Variants in RTN1 observed in about 807,000 individuals in gnomAD.
RTN1 encodes reticulon 1, also known as reticulon-1.
Under a neutral mutation model 65.5 loss-of-function variants are expected in RTN1, and 25 were observed. That is an observed-to-expected ratio of 0.38 (90% CI 0.28 to 0.53). The LOEUF is 0.53. RTN1 is among the 20% of genes least tolerant of loss of function. The pLI is 0.79. For missense variants in RTN1, 983 were observed against 1,025.4 expected, an observed-to-expected ratio of 0.96 and a Z score of 0.57; for synonymous variants, 471 against 447.6, an observed-to-expected ratio of 1.05 and a Z score of -0.66.
intron 3 of RTN1, among the ~76,000 whole-genome samples, chr14:59,610,389 CTT>C (rs1881911300): frequency 6.6e-6 from 1 of 152,224 alleles, no homozygotes; most frequent in Non-Finnish European, 1.5e-5. Flanking sequence ...GTTCTGGACA[CTT>C]TGCAACAATA....
intron 3 of RTN1, among the ~76,000 whole-genome samples, chr14:59,685,216 G>T (rs1045408253): frequency 6.6e-6 from 1 of 152,078 alleles, no homozygotes; most frequent in Non-Finnish European, 1.5e-5. Flanking sequence ...ACATCATACC[G>T]AACGGGAAAA....
intron 3 of RTN1, among the ~76,000 whole-genome samples, chr14:59,681,061 A>T (rs770910216): frequency 6.6e-6 from 1 of 152,082 alleles, no homozygotes; most frequent in East Asian, 1.9e-4. Context: ...AAGTTTCTAT[A>T]TTAATAGTAT....
chr14:59,819,461 A>G (rs1886895827), intron 1 of RTN1, among the ~76,000 whole-genome samples: 1 of 102,950 alleles, frequency 9.7e-6, no homozygotes, highest in Admixed American at 1.1e-4. Context: ...AGCTAGACAC[A>G]GAGTACAATC....
rs1881627885 is a variant in RTN1, at chr14:59,603,021, T to G, written c.2288+44A>C. ...CTATCCTAATCCACTCAAATGCTGA[T>G]GTAAGAGAGTCTCTCCTTTTATGCA... On this transcript the variant is annotated intron_variant, in intron 8 of 8. Transcript: ENST00000267484. 5 of 1,520,556 alleles carry G rather than the reference T, an allele frequency of 3.3e-6. No individual in the cohort carries two copies. In the African/African-American group the frequency reaches 6.9e-5, roughly 21 times the overall value. 94.2% of individuals were successfully genotyped at this position (1,520,556 alleles called of 1,614,324 possible).
At chr14:59,663,711 C>G (rs1231903692) in intron 3 of RTN1, among the ~76,000 whole-genome samples, 4 of 151,760 alleles carry the variant, frequency 2.6e-5, no homozygotes, top group South Asian at 4.2e-4. Flanking sequence ...ATGCAGCCAA[C>G]AAACATATGA....
chr14:59,636,615 T>G (rs1882671494), intron 3 of RTN1, among the ~76,000 whole-genome samples: 1 of 152,230 alleles, frequency 6.6e-6, no homozygotes, highest in Non-Finnish European at 1.5e-5. Context: ...CTAAATTTAC[T>G]TATTAATTCC....
intron 1 of RTN1, among the ~76,000 whole-genome samples, chr14:59,824,336 G>A (rs1336925053): frequency 1.3e-5 from 2 of 152,054 alleles, no homozygotes; most frequent in Non-Finnish European, 2.9e-5. Context: ...CTGTATGGAT[G>A]GCTTTATAAA....
intron 3 of RTN1, among the ~76,000 whole-genome samples, chr14:59,619,752 G>A (rs905590279): frequency 4.6e-5 from 7 of 152,170 alleles, no homozygotes; most frequent in Non-Finnish European, 8.8e-5. Flanking sequence ...CAATAGTGCA[G>A]GTTATGGCAG....
Position 59,790,029 on chromosome 14 carries a change from G to A in RTN1, c.242-43548C>T, listed in dbSNP as rs893966362. ...AATGAGATAAAAAAGGGAAATGCCC[G>A]AGCTAAAGCAATGAATCAAGGGCCA... On this transcript the variant is annotated intron_variant, in intron 1 of 8. Coordinates refer to ENST00000267484, the MANE Select transcript of RTN1 (RefSeq NM_021136.3). The surrounding 1 kb of genome is among the most constrained non-coding windows in gnomAD (Gnocchi z 4.1). Among the ~76,000 whole-genome samples, 7 of 151,966 alleles carry A rather than the reference G, an allele frequency of 4.6e-5. No individual in the cohort carries two copies. Among genetic ancestry groups the A allele is most frequent in the African/African-American group, 1.7e-4 (7 of 41,382 alleles).
chr14:59,793,574 CA>C (rs1886386834), intron 1 of RTN1, among the ~76,000 whole-genome samples: 1 of 151,254 alleles, frequency 6.6e-6, no homozygotes, highest in South Asian at 2.1e-4. Flanking sequence ...TTCTCTACGC[CA>C]GAGAGAATTT....
intron 3 of RTN1, among the ~76,000 whole-genome samples, chr14:59,611,598 C>T (rs961387345): frequency 1.3e-5 from 2 of 152,070 alleles, no homozygotes; most frequent in Non-Finnish European, 2.9e-5. Context: ...CTGTTTCTAG[C>T]TCCACCATGG....
chr14:59,601,497 C>A (rs1234708907), intron 8 of RTN1, among the ~76,000 whole-genome samples: 2 of 152,142 alleles, frequency 1.3e-5, no homozygotes, highest in African/African-American at 4.8e-5. Context: ...GGGCTGAGAT[C>A]ATTTCATTTA....
rs1372399790 is a variant in RTN1 at position 59,819,464 on chromosome 14, G to A, written c.241+50926C>T. 9.0e-5 allele frequency among the ~76,000 whole-genome samples: 9 copies of A among 100,488 alleles called. No individual in the cohort carries two copies. The Admixed American group carries it at 1.2e-3, about 13-fold the overall frequency. The allele number at this position is 100,488 out of a possible 152,430, so 65.9% of individuals were successfully genotyped here. On this transcript the variant is annotated intron_variant, in intron 1 of 8. Transcript: ENST00000267484. ...CCCCCCGGCCACAGCTAGACACAGA[G>A]TACAATCCTCCAGCTAGACATAAAA...
intron 1 of RTN1, among the ~76,000 whole-genome samples, chr14:59,781,182 C>T (rs896672301): frequency 3.3e-5 from 5 of 152,004 alleles, no homozygotes; most frequent in Admixed American, 1.3e-4. Flanking sequence ...CCAAGTCTCC[C>T]TGATGCCAGA....
intron 1 of RTN1, among the ~76,000 whole-genome samples, chr14:59,822,027 T>C (rs1886952309): frequency 6.6e-6 from 1 of 152,222 alleles, no homozygotes; most frequent in South Asian, 2.1e-4. Context: ...GTTGGCCTCA[T>C]AGAGTGAGTG....
chr14:59,616,322 T>C (rs1882099919), intron 3 of RTN1, among the ~76,000 whole-genome samples: 1 of 152,206 alleles, frequency 6.6e-6, no homozygotes, highest in Non-Finnish European at 1.5e-5. Flanking sequence ...AATTGTGTCT[T>C]TAACTGTGGC....
chr14:59,856,646 A>C (rs539165412), intron 1 of RTN1, among the ~76,000 whole-genome samples: 20 of 152,258 alleles, frequency 1.3e-4, no homozygotes, highest in Non-Finnish European at 2.5e-4. Flanking sequence ...GTGGATTACC[A>C]AAACCGACTT....
At chr14:59,850,803 A>C (rs958956163) in intron 1 of RTN1, among the ~76,000 whole-genome samples, 11 of 152,236 alleles carry the variant, frequency 7.2e-5, no homozygotes, top group African/African-American at 2.7e-4. Flanking sequence ...CACTTCAAAG[A>C]AGCTCACTGA....
intron 3 of RTN1, among the ~76,000 whole-genome samples, chr14:59,638,521 G>C (rs1882713295): frequency 6.6e-6 from 1 of 152,182 alleles, no homozygotes; most frequent in Non-Finnish European, 1.5e-5. Flanking sequence ...TCAACTTAAA[G>C]TCACCAGCTG....
Sources: gnomAD v4.1 joint callset for allele counts (sites outside exome capture counted in the v4.1 genomes callset) on GRCh38, gnomAD v4.1.1 for gene constraint, Gnocchi (gnomAD v3.1) non-coding constraint, MANE v1.5 for transcripts, NCBI Gene and HGNC (gene_info 2026-07-23, HGNC 2026-07-21) for gene names.